TMEM132A: variants seen among roughly 807,000 people sequenced by gnomAD.
TMEM132A encodes the protein transmembrane protein 132A.
Under a neutral mutation model 69.9 loss-of-function variants are expected in TMEM132A, and 48 were observed. The ratio of observed to expected loss-of-function variants is 0.69; its 90% CI spans 0.55 to 0.87. The LOEUF (loss-of-function observed/expected upper bound fraction) is 0.87, where lower values mean the gene tolerates loss of function less well. TMEM132A is among the 40% of genes least tolerant of loss of function. The probability of loss-of-function intolerance (pLI) is 0.00; values close to 1 mark genes in which losing one functional copy is unlikely to be tolerated. For synonymous variants in TMEM132A, 577 were observed against 613.7 expected (o/e 0.94, Z 0.88); for missense variants, 1,287 against 1,407.2 (o/e 0.91, Z 1.37).
Position 60,934,515 on chromosome 11 carries a change from G to A in TMEM132A, c.1587G>A (p.Ser529=), listed in dbSNP as rs7715. ...CTGCGGAACCCGCTGCAGAGGCGTCGGATGAGGCCGAGCGGCGCGCCCGTG... is the reference window on the plus strand; with the variant it reads ...CTGCGGAACCCGCTGCAGAGGCGTCAGATGAGGCCGAGCGGCGCGCCCGTG... The part of the protein sequence containing the change: ...EGPAEPAAEA[S]DEAERRARGC... Residue 529 remains serine, a synonymous_variant, in exon 9 of 11, where the codon TCG becomes TCA. Transcript: ENST00000453848. 0.43 allele frequency: 608,362 copies of A among 1,427,870 alleles called. 130,465 individuals are homozygous for A. Among genetic ancestry groups the A allele is most frequent in the Middle Eastern group, 0.49 (1,927 of 3,944 alleles). The allele number at this position is 1,427,870 out of a possible 1,614,324, so 88.5% of individuals were successfully genotyped here. A position where few individuals can be genotyped will look rare whatever the true frequency, so the allele number is the denominator to read the frequency against.
At position 60,934,744 on chromosome 11, in the gene TMEM132A, C is replaced by T; in HGVS notation, c.1816C>T (p.Pro606Ser). 4.4e-6 allele frequency: 7 copies of T among 1,603,294 alleles called. No individual in the cohort carries two copies. Among genetic ancestry groups the T allele is most frequent in the Non-Finnish European group, 6.0e-6 (7 of 1,175,246 alleles). ...TGGCCGTGTCGTGGTGGGCCGGGAG[C>T]CCGGTGTCACCTCCATTGAGGTAAG... ...EGGRVVVGRE[P>S]GVTSIEVRSP... Residue 606 changes from proline to serine, a missense_variant, in exon 9 of 11, where the codon CCC becomes TCC. Physicochemically the swap from Pro to Ser is moderately conservative, Grantham distance 74. Transcript: ENST00000453848.
chr11:60,929,632 G>C (rs1856432258), intron 4 of TMEM132A, among the ~76,000 whole-genome samples: 1 of 152,120 alleles, frequency 6.6e-6, no homozygotes, highest in Non-Finnish European at 1.5e-5. Flanking sequence ...GCTTGGTTAG[G>C]GTGAGGCACT....
Position 60,934,778 on chromosome 11 carries a change from G to C in TMEM132A, c.1836+14G>C, listed in dbSNP as rs1300756384. The C allele has an allele frequency of 1.3e-6, 2 of 1,586,420 alleles. No homozygotes were observed. The highest frequency in any genetic ancestry group is 1.7e-6 in the Non-Finnish European group (2 of 1,164,124). On this transcript the variant is annotated intron_variant, in intron 9 of 10. Coordinates refer to ENST00000453848, the MANE Select transcript of TMEM132A (RefSeq NM_178031.3). ...ACCTCCATTGAGGTAAGCAGCTGGG[G>C]ACCAGGAGAGTAGACCCCCTGAGAA...
intron 2 of TMEM132A, 95 bp downstream of exon 2, chr11:60,927,513 GC>G: frequency 7.0e-7 from 1 of 1,427,842 alleles, no homozygotes; most frequent in Non-Finnish European, 9.5e-7. Flanking sequence ...CCCCGGCTGT[GC>G]TCCCCATATT....
At position 60,936,953 on chromosome 11, in the gene TMEM132A, G is replaced by A; in HGVS notation, c.*46G>A. The A allele has an allele frequency of 6.8e-7, 1 of 1,472,506 alleles. No individual in the cohort carries two copies. Among genetic ancestry groups the A allele is most frequent in the Non-Finnish European group, 9.0e-7 (1 of 1,105,314 alleles). The allele number at this position is 1,472,506 out of a possible 1,614,324, so 91.2% of individuals were successfully genotyped here. A position where few individuals can be genotyped will look rare whatever the true frequency, so the allele number is the denominator to read the frequency against. ...AGCCACCAGCTGGGGCAACGAGGGT[G>A]GAGGTCCCACTGAGCCTCTCGCCTG... On this transcript the variant is annotated 3_prime_UTR_variant, in exon 11 of 11. Coordinates refer to ENST00000453848, the MANE Select transcript of TMEM132A (RefSeq NM_178031.3).
chr11:60,925,552 T>TA (rs1856330952), intron 1 of TMEM132A: 1 of 152,360 alleles, frequency 6.6e-6, no homozygotes, highest in South Asian at 2.1e-4. Flanking sequence ...GGTCACTTGT[T>TA]ACGCTTGGGG....
Position 60,934,809 on chromosome 11 carries a change from G to A in TMEM132A, c.1836+45G>A, listed in dbSNP as rs202239237. ...GAGAGTAGACCCCCTGAGAAGGGTG[G>A]AGGGGCCCCCAAAATGTTCGTGGGT... is the stretch of plus-strand genomic sequence containing the variant. On this transcript the variant is annotated intron_variant, in intron 9 of 10. Transcript: ENST00000453848. 2.4e-4 allele frequency: 366 copies of A among 1,537,508 alleles called. 1 individual carries two copies. The African/African-American group carries it at 4.4e-3, about 19-fold the overall frequency.
chr11:60,934,609 G>A lies in TMEM132A; in HGVS notation c.1681G>A (p.Gly561Ser). ...LAPFAAHPLD[G>S]GRRLTHLLGP... ...CCCCTTCGCGGCCCACCCGCTGGAC[G>A]GCGGCCGCCGCCTCACGCACCTGCT... Residue 561 changes from glycine (G) to serine (S), a missense_variant, in exon 9 of 11, where the codon GGC (glycine) becomes AGC (serine). Coordinates refer to ENST00000453848, the MANE Select transcript of TMEM132A (RefSeq NM_178031.3). 5 of 1,578,624 alleles carry A rather than the reference G, an allele frequency of 3.2e-6. No homozygotes were observed. In the South Asian group the frequency reaches 4.5e-5, roughly 14 times the overall value.
Position 60,924,539 on chromosome 11 carries a change from GC to G in TMEM132A, c.-93del. 1.0e-6 allele frequency: 1 copy of G among 984,356 alleles called. No individual in the cohort carries two copies. The highest frequency in any genetic ancestry group is 1.4e-6 in the Non-Finnish European group (1 of 715,120). The allele number at this position is 984,356 out of a possible 1,614,324, so 61.0% of individuals were successfully genotyped here. A position where few individuals can be genotyped will look rare whatever the true frequency, so the allele number is the denominator to read the frequency against. On this transcript the variant is annotated 5_prime_UTR_variant, in exon 1 of 11. Transcript: ENST00000453848. ...GGCGGCGGCGGCCGGGACCCAGCGG[GC>G]CAGGTGGGGACGGCGCGGAGCGGGT...
chr11:60,936,070 C>A lies in TMEM132A; in HGVS notation c.2235C>A (p.Pro745=), dbSNP rs111231672. 8,383 of 1,607,004 alleles carry A rather than the reference C, an allele frequency of 5.2e-3. 364 individuals are homozygous for A. The African/African-American group carries it at 0.093, about 18-fold the overall frequency. Residue 745 remains proline, a synonymous_variant, in exon 11 of 11, where the codon CCC becomes CCA. Transcript: ENST00000453848. ...CGCTGCATGTGGCTCTGCACCCGCC[C>A]GAGCCCTGCCGCCGGGGCCGCCACC... ...GLPLHVALHP[P]EPCRRGRHRV...
rs970723256 is a variant in TMEM132A, at chr11:60,935,719, C to T, written c.2029-145C>T. 1 of 1,015,698 alleles carries T rather than the reference C, an allele frequency of 9.8e-7. No individual in the cohort carries two copies. The highest frequency in any genetic ancestry group is 1.5e-6 in the Non-Finnish European group (1 of 687,966). 62.9% of individuals were successfully genotyped at this position (1,015,698 alleles called of 1,614,324 possible). A position where few individuals can be genotyped will look rare whatever the true frequency, so the allele number is the denominator to read the frequency against. On this transcript the variant is annotated intron_variant, in intron 10 of 10. Transcript: ENST00000453848. The surrounding 1 kb of genome is among the most constrained non-coding windows in gnomAD (Gnocchi z 5.0). Reference sequence around the variant, plus strand: ...CAGACAGGTGATTGACACGCGTCCCCTCTCTCCCTGTGTTTTGTCTATCTG... The same window carrying T: ...CAGACAGGTGATTGACACGCGTCCCTTCTCTCCCTGTGTTTTGTCTATCTG...
chr11:60,924,656 G>A lies in TMEM132A; in HGVS notation c.23G>A (p.Arg8His). 1 of 1,593,970 alleles carries A rather than the reference G, an allele frequency of 6.3e-7. No individual in the cohort carries two copies. MCARMAG[R>H]TTAAPRGPYG... ...AGGATGTGCGCGCGGATGGCCGGTC[G>A]CACAACAGCGGCCCCTCGGGGGCCC... is the stretch of plus-strand genomic sequence containing the variant. Residue 8 changes from arginine to histidine, a missense_variant, in exon 1 of 11, where the codon CGC (arginine) becomes CAC (histidine). Physicochemically the swap from Arg to His is conservative, Grantham distance 29 (BLOSUM62 0). Coordinates refer to ENST00000453848, the MANE Select transcript of TMEM132A (RefSeq NM_178031.3).
chr11:60,933,516 C>T, intron 7 of TMEM132A, 26 bp from the exon 8 acceptor site: 4 of 1,590,326 alleles, frequency 2.5e-6, no homozygotes, highest in Non-Finnish European at 3.4e-6. Context: ...GCTTAGCCCG[C>T]CCACCTGCCC....
intron 1 of TMEM132A, 149 bp from the exon 2 acceptor site, chr11:60,927,055 C>G (rs1339363341): frequency 1.4e-6 from 1 of 726,798 alleles, no homozygotes; most frequent in Admixed American, 1.9e-5. Context: ...TCAGTGACCT[C>G]ATCTGTGAAA....
rs778671969 is a variant in TMEM132A at position 60,931,977 on chromosome 11, C to A, written c.1213-7C>A. 1.2e-6 allele frequency: 2 copies of A among 1,609,948 alleles called. No homozygotes were observed. The highest frequency in any genetic ancestry group is 2.2e-5 in the South Asian group (2 of 90,738). ...GGCCTGGGGCTGAGCCCCTCCTCCA[C>A]CCCCAGGCTGAGGAGCTGGTGAATA... On this transcript the variant is annotated splice_polypyrimidine_tract_variant and splice_region_variant and intron_variant, in intron 6 of 10. Coordinates refer to ENST00000453848, the MANE Select transcript of TMEM132A (RefSeq NM_178031.3).
chr11:60,927,862 G>A lies in TMEM132A; in HGVS notation c.534+3G>A. On this transcript the variant is annotated splice_donor_region_variant and intron_variant, in intron 3 of 10. Coordinates refer to ENST00000453848, the MANE Select transcript of TMEM132A (RefSeq NM_178031.3). ...CTCACCAAGCCTGCCGCTTCCAGGT[G>A]AGTAGACAGGCCCCACCTAGGCTGG... The A allele has an allele frequency of 6.2e-7, 1 of 1,605,584 alleles. No individual in the cohort carries two copies. The highest frequency in any genetic ancestry group is 8.5e-7 in the Non-Finnish European group (1 of 1,177,720).
At chr11:60,934,978 G>T (rs1013424693) in intron 9 of TMEM132A, among the ~76,000 whole-genome samples, 22 of 152,188 alleles carry the variant, frequency 1.4e-4, no homozygotes, top group African/African-American at 5.3e-4. Context: ...CTGAGGTGTG[G>T]GTAGTGTGGG....
intron 7 of TMEM132A, 70 bp downstream of exon 7, chr11:60,932,197 CT>C (rs1856497077): frequency 6.8e-7 from 1 of 1,471,478 alleles, no homozygotes; most frequent in Admixed American, 2.5e-5. Context: ...CACACCTTTC[CT>C]CCTTCCTCAT....
intron 2 of TMEM132A, 46 bp downstream of exon 2, chr11:60,927,464 C>T (rs376128600): frequency 1.3e-6 from 2 of 1,555,236 alleles, no homozygotes; most frequent in Middle Eastern, 1.7e-4. Context: ...GGACTCAGGG[C>T]CTGAGGTCTG....
Sources: allele counts gnomAD v4.1 joint callset (sites outside exome capture counted in the v4.1 genomes callset), GRCh38; gene constraint gnomAD v4.1.1; non-coding constraint Gnocchi (gnomAD v3.1); transcripts MANE v1.5; gene names NCBI Gene and HGNC (gene_info 2026-07-23, HGNC 2026-07-21).